GAS2: variants seen among roughly 807,000 people sequenced by gnomAD.
GAS2 encodes the protein growth arrest-specific protein 2.
In GAS2, 20 loss-of-function variants were observed where a neutral mutation model predicts 37.5. That is an observed-to-expected ratio of 0.53 (90% confidence interval 0.37 to 0.77). The LOEUF (loss-of-function observed/expected upper bound fraction) is 0.77. Ranked by LOEUF, GAS2 falls within the 30% of genes least tolerant of loss-of-function variation. GAS2 has a pLI of 0.00. For synonymous variants in GAS2, 144 were observed against 132.2 expected (o/e 1.09, Z -0.61); for missense variants, 336 against 373.4 (o/e 0.90, Z 0.82).
At chr11:22,753,135 C>T (rs1345350374) in intron 6 of GAS2, among the ~76,000 whole-genome samples, 1 of 152,064 alleles carries the variant, frequency 6.6e-6, no homozygotes, top group Admixed American at 6.6e-5. Context: ...TAATCAGGCT[C>T]CTCTTGAAAT....
chr11:22,706,737 T>A (rs1237208022), intron 3 of GAS2, among the ~76,000 whole-genome samples: 3 of 152,148 alleles, frequency 2.0e-5, no homozygotes, highest in Non-Finnish European at 2.9e-5. Context: ...TCTATCACTG[T>A]TGGACATTTG....
intron 2 of GAS2, among the ~76,000 whole-genome samples, chr11:22,679,038 A>C (rs899905639): frequency 6.6e-6 from 1 of 152,030 alleles, no homozygotes; most frequent in Non-Finnish European, 1.5e-5. Flanking sequence ...TAAGTGGTTA[A>C]TAGTAGCTGG....
At chr11:22,777,684 A>C (rs1176746746) in intron 7 of GAS2, among the ~76,000 whole-genome samples, 1 of 152,154 alleles carries the variant, frequency 6.6e-6, no homozygotes, top group Non-Finnish European at 1.5e-5. Flanking sequence ...GTTTGATTGG[A>C]GATTATGTAG....
intron 5 of GAS2, among the ~76,000 whole-genome samples, chr11:22,740,304 A>G (rs1853004397): frequency 6.6e-6 from 1 of 152,210 alleles, no homozygotes; most frequent in South Asian, 2.1e-4. Context: ...ACCTGATAAA[A>G]GCAGTGATTA....
intron 2 of GAS2, among the ~76,000 whole-genome samples, chr11:22,678,881 T>C (rs1849553786): frequency 6.8e-6 from 1 of 147,518 alleles, no homozygotes; most frequent in African/African-American, 2.7e-5. Context: ...GGAAATATAC[T>C]TACTTAATCA....
intron 7 of GAS2, among the ~76,000 whole-genome samples, chr11:22,767,199 A>T (rs967080750): frequency 1.3e-5 from 2 of 152,098 alleles, no homozygotes; most frequent in Non-Finnish European, 2.9e-5. Flanking sequence ...AATTTATAAA[A>T]CTTATCGATG....
chr11:22,719,217 A>G (rs906673312), intron 3 of GAS2, among the ~76,000 whole-genome samples: 1 of 152,052 alleles, frequency 6.6e-6, no homozygotes, highest in Non-Finnish European at 1.5e-5. Context: ...TATGTGATAC[A>G]TTGTTATTAA....
In GAS2 at chr11:22,736,103, T is replaced by C. The variant is rs117843687; in HGVS notation, c.410-1602T>C. On this transcript the variant is annotated intron_variant, in intron 4 of 7. Coordinates refer to ENST00000454584, the MANE Select transcript of GAS2 (RefSeq NM_001143830.3). ...TCTGTTTCGTAATATGTGTTATTGT[T>C]CTCTGTATGAAATTGATGCCTGTGT... Among the ~76,000 whole-genome samples the C allele has an allele frequency of 1.7e-3, 258 of 152,058 alleles. 4 individuals are homozygous for C. In the East Asian group the frequency reaches 0.043, roughly 26 times the overall value.
At chr11:22,721,175 A>G (rs1851929883) in intron 3 of GAS2, among the ~76,000 whole-genome samples, 1 of 152,016 alleles carries the variant, frequency 6.6e-6, no homozygotes, top group Admixed American at 6.6e-5. Flanking sequence ...TACCTAGAGC[A>G]CTGAAGGCAC....
At chr11:22,750,071 C>A (rs150755096) in intron 6 of GAS2, among the ~76,000 whole-genome samples, 20 of 152,048 alleles carry the variant, frequency 1.3e-4, no homozygotes, top group African/African-American at 4.6e-4. Context: ...GTTGTTTATG[C>A]AAAGTTTGTA....
At chr11:22,673,734 C>G (rs1162738859) in intron 1 of GAS2, among the ~76,000 whole-genome samples, 2 of 152,134 alleles carry the variant, frequency 1.3e-5, no homozygotes, top group Non-Finnish European at 2.9e-5. Context: ...TGGCGAAACC[C>G]CATCTCTACT....
chr11:22,705,179 T>C (rs1045282978), intron 3 of GAS2, among the ~76,000 whole-genome samples: 2 of 152,156 alleles, frequency 1.3e-5, no homozygotes, highest in African/African-American at 2.4e-5. Context: ...TCTGATCTCA[T>C]TTATTGTAAC....
chr11:22,725,182 A>G (rs565559437), intron 3 of GAS2, among the ~76,000 whole-genome samples: 2 of 152,214 alleles, frequency 1.3e-5, no homozygotes, highest in Non-Finnish European at 2.9e-5. Flanking sequence ...AAGAAAAAAG[A>G]TAACACTTGG....
chr11:22,746,209 A>G (rs1184522156), intron 5 of GAS2, among the ~76,000 whole-genome samples: 2 of 151,816 alleles, frequency 1.3e-5, no homozygotes, highest in Non-Finnish European at 2.9e-5. Context: ...CAAACAAAAA[A>G]CCCATCAGTT....
In GAS2 at chr11:22,755,993, G is replaced by C. The variant is rs749622785; in HGVS notation, c.723+40G>C. On this transcript the variant is annotated intron_variant, in intron 7 of 7. Coordinates refer to ENST00000454584, the MANE Select transcript of GAS2 (RefSeq NM_001143830.3). ...TTCACTTATCTTGTTTTTATGGGAA[G>C]ATTCAGAATTTGAGTTAGGGGAAAT... 3 of 1,409,762 alleles carry C rather than the reference G, an allele frequency of 2.1e-6. No homozygotes were observed. The African/African-American group carries it at 4.2e-5, about 20-fold the overall frequency. 87.3% of individuals were successfully genotyped at this position (1,409,762 alleles called of 1,614,324 possible). A position where few individuals can be genotyped will look rare whatever the true frequency, so the allele number is the denominator to read the frequency against.
Position 22,738,647 on chromosome 11 carries a change from A to T in GAS2, c.473+879A>T, listed in dbSNP as rs78973921. Among the ~76,000 whole-genome samples, 724 of 152,362 alleles carry T rather than the reference A, an allele frequency of 4.8e-3. 7 individuals are homozygous for T. The highest frequency in any genetic ancestry group is 7.9e-3 in the Non-Finnish European group (538 of 68,034). ...GAACTAACACTGAATGAACATTCTC[A>T]AAGAATTTATTAATAAAATCAAGAA... On this transcript the variant is annotated intron_variant, in intron 5 of 7. Transcript: ENST00000454584.
At chr11:22,645,767 G>T (rs972692440) in intron 1 of GAS2, among the ~76,000 whole-genome samples, 6 of 151,340 alleles carry the variant, frequency 4.0e-5, no homozygotes, top group African/African-American at 1.5e-4. Flanking sequence ...ATTTTTTCTA[G>T]TTCAGATAAA....
intron 7 of GAS2, among the ~76,000 whole-genome samples, chr11:22,794,510 C>A (rs1017526988): frequency 6.6e-6 from 1 of 152,088 alleles, no homozygotes; most frequent in Non-Finnish European, 1.5e-5. Flanking sequence ...GCCATCTTTT[C>A]TCTCCCCTTC....
chr11:22,704,029 A>G (rs1413584294), intron 3 of GAS2, among the ~76,000 whole-genome samples: 1 of 152,174 alleles, frequency 6.6e-6, no homozygotes, highest in Non-Finnish European at 1.5e-5. Flanking sequence ...AAAAATTGTT[A>G]AAAAAGAATT....
Sources: gnomAD v4.1 joint callset for allele counts (sites outside exome capture counted in the v4.1 genomes callset) on GRCh38, gnomAD v4.1.1 for gene constraint, MANE v1.5 for transcripts, NCBI Gene and HGNC (gene_info 2026-07-23, HGNC 2026-07-21) for gene names.